The following RAPGEF2 variants were observed in gnomAD, a reference collection of about 807,000 sequenced individuals.
RAPGEF2 encodes the protein PDZ domain containing guanine nucleotide exchange factor (GEF) 1.
RAPGEF2 carries 54 observed loss-of-function variants against 186.7 expected under a neutral mutation model. The observed-to-expected ratio is 0.29, with a 90% CI of 0.23 to 0.36. The LOEUF is 0.36. Among genes scored for constraint, RAPGEF2 ranks in the 10% least tolerant of loss-of-function variants. The pLI is 1.00. For missense variants in RAPGEF2, 1,532 were observed against 2,045.0 expected, an observed-to-expected ratio of 0.75 and a Z score of 4.84; for synonymous variants, 712 against 705.9, an observed-to-expected ratio of 1.01 and a Z score of -0.14.
At chr4:159,152,362 C>G (rs902864459) in intron 1 of RAPGEF2, among the ~76,000 whole-genome samples, 3 of 152,222 alleles carry the variant, frequency 2.0e-5, no homozygotes, top group East Asian at 1.9e-4. Context: ...TGTTTCTTCT[C>G]TAGTCTGTAA....
rs117246978 is a variant in RAPGEF2, at chr4:159,266,101, T to C, written c.543+22310T>C. Among the ~76,000 whole-genome samples the C allele has an allele frequency of 6.1e-3, 928 of 152,100 alleles. 6 individuals are homozygous for C. The highest frequency in any genetic ancestry group is 0.034 in the East Asian group (177 of 5,184). ...TTTTGAGATAGGAGAGACCTGCACA[T>C]TTAAAAGCTGGTGGGGAGGACTCCG... On this transcript the variant is annotated intron_variant, in intron 7 of 29. Transcript: ENST00000691494.
At position 159,193,274 on chromosome 4, in the gene RAPGEF2, G is replaced by C; in HGVS notation, c.197+18G>C. 6.9e-7 allele frequency: 1 copy of C among 1,450,848 alleles called. No individual in the cohort carries two copies. The highest frequency in any genetic ancestry group is 9.1e-7 in the Non-Finnish European group (1 of 1,096,630). The allele number at this position is 1,450,848 out of a possible 1,614,324, so 89.9% of individuals were successfully genotyped here. A position where few individuals can be genotyped will look rare whatever the true frequency, so the allele number is the denominator to read the frequency against. On this transcript the variant is annotated intron_variant, in intron 3 of 29. Transcript: ENST00000691494. ...TTATACTAGTAGGTGTTTCCTTTTT[G>C]TTTGTACAATGTATCTAATCCAGTG... is the stretch of plus-strand genomic sequence containing the variant.
intron 3 of RAPGEF2, among the ~76,000 whole-genome samples, chr4:159,199,187 A>G (rs1410326437): frequency 6.6e-6 from 1 of 152,144 alleles, no homozygotes; most frequent in African/African-American, 2.4e-5. Context: ...GTATGTAAGT[A>G]TGAGAATTCA....
chr4:159,336,517 G>C (rs1240817163), intron 17 of RAPGEF2, among the ~76,000 whole-genome samples: 4 of 152,140 alleles, frequency 2.6e-5, no homozygotes, highest in African/African-American at 7.2e-5. Flanking sequence ...TTTTATGGCT[G>C]AGTAATATTC....
intron 8 of RAPGEF2, among the ~76,000 whole-genome samples, chr4:159,311,163 T>C (rs1317266007): frequency 1.3e-5 from 2 of 152,316 alleles, no homozygotes; most frequent in Middle Eastern, 3.4e-3. Context: ...GGGTTAGTAA[T>C]ACTAACTTGC....
At chr4:159,186,747 G>A in intron 2 of RAPGEF2, 35 bp downstream of exon 2, 1 of 1,219,792 alleles carries the variant, frequency 8.2e-7, no homozygotes, top group Non-Finnish European at 1.1e-6. Context: ...ATCATAGAAT[G>A]GTAAAAATTT....
chr4:159,319,955 G>A (rs1765043322), intron 9 of RAPGEF2, among the ~76,000 whole-genome samples: 1 of 152,040 alleles, frequency 6.6e-6, no homozygotes, highest in African/African-American at 2.4e-5. Flanking sequence ...CATGTATGTG[G>A]TAATTATTTG....
In RAPGEF2 at chr4:159,330,009, A is replaced by G; in HGVS notation, c.1301A>G (p.Lys434Arg). The change falls in exon 12 of 30, where the codon AAG becomes AGG. Residue 434 changes from lysine (K) to arginine (R), a missense_variant and splice_region_variant. By Grantham distance (26) the Lys-to-Arg change is conservative (BLOSUM62 2). Coordinates refer to ENST00000691494, the MANE Select transcript of RAPGEF2 (RefSeq NM_001394067.2). The part of the protein sequence containing the change: ...TGTRKGHIVI[K>R]GTSERLTMHL... ...ACAAGAAAGGGACACATTGTCATCA[A>G]GGTAGGACACAGGACCACTCCTTCC... is the stretch of plus-strand genomic sequence containing the variant. 1 of 1,611,454 alleles carries G rather than the reference A, an allele frequency of 6.2e-7. No individual in the cohort carries two copies. Among genetic ancestry groups the G allele is most frequent in the Non-Finnish European group, 8.5e-7 (1 of 1,178,808 alleles).
chr4:159,356,212 C>G lies in RAPGEF2; in HGVS notation c.4957+54C>G. 4 of 1,523,768 alleles carry G rather than the reference C, an allele frequency of 2.6e-6. No homozygotes were observed. In the South Asian group the frequency reaches 4.9e-5, roughly 19 times the overall value. 94.4% of individuals were successfully genotyped at this position (1,523,768 alleles called of 1,614,324 possible). A position where few individuals can be genotyped will look rare whatever the true frequency, so the allele number is the denominator to read the frequency against. ...TCCAAGTTAGATGTGTTCACTTGTGCTGCTTCCCAAGGCATTTCTGTTCTC... is the reference window on the plus strand; with the variant it reads ...TCCAAGTTAGATGTGTTCACTTGTGGTGCTTCCCAAGGCATTTCTGTTCTC... On this transcript the variant is annotated intron_variant, in intron 29 of 29. Transcript: ENST00000691494.
rs370082784 is a variant in RAPGEF2, at chr4:159,309,921, G to A, written c.676-4670G>A. ...GTCTTTGGGGTTGGGGAATCATTTT[G>A]TATTCTTATTTTGTATCATAATTAA... On this transcript the variant is annotated intron_variant, in intron 8 of 29. Transcript: ENST00000691494. Among the ~76,000 whole-genome samples, 3 of 152,004 alleles carry A rather than the reference G, an allele frequency of 2.0e-5. No individual in the cohort carries two copies. In the East Asian group the frequency reaches 5.8e-4, roughly 29 times the overall value.
At chr4:159,222,297 G>C (rs1258055713) in intron 4 of RAPGEF2, among the ~76,000 whole-genome samples, 1 of 152,170 alleles carries the variant, frequency 6.6e-6, no homozygotes, top group Non-Finnish European at 1.5e-5. Context: ...ACTGGGATTG[G>C]TAGTGTCTTA....
intron 1 of RAPGEF2, among the ~76,000 whole-genome samples, chr4:159,155,099 A>C (rs376245950): frequency 5.1e-4 from 77 of 152,212 alleles, no homozygotes; most frequent in African/African-American, 1.7e-3. Flanking sequence ...ATATAGTGTA[A>C]ATCTCCCCAG....
rs151053514 is a variant in RAPGEF2 at position 159,345,696 on chromosome 4, T to TG, written c.3502+367_3502+368insG. ...CAAAGTATGGGCAACCTGAGGGGAG[T>TG]CAGGGCATAAAATTGGGTGTGCTGG... is the stretch of plus-strand genomic sequence containing the variant. On this transcript the variant is annotated intron_variant, in intron 24 of 29. Transcript: ENST00000691494. 7.3e-3 allele frequency among the ~76,000 whole-genome samples: 1,106 copies of TG among 152,022 alleles called. 11 individuals are homozygous for TG. The highest frequency in any genetic ancestry group is 0.025 in the African/African-American group (1,045 of 41,454).
chr4:159,244,689 A>G (rs1754406711), intron 7 of RAPGEF2, among the ~76,000 whole-genome samples: 1 of 151,976 alleles, frequency 6.6e-6, no homozygotes, highest in East Asian at 1.9e-4. Flanking sequence ...GGGGAAATCT[A>G]TCATTGATAT....
chr4:159,144,873 C>A (rs1316809665), intron 1 of RAPGEF2, among the ~76,000 whole-genome samples: 1 of 111,276 alleles, frequency 9.0e-6, no homozygotes, highest in African/African-American at 3.4e-5. Flanking sequence ...TTTTTTCTTT[C>A]TTCCTGTTTT....
At chr4:159,315,954 GT>G (rs1300125899) in intron 9 of RAPGEF2, among the ~76,000 whole-genome samples, 2 of 152,152 alleles carry the variant, frequency 1.3e-5, no homozygotes, top group Non-Finnish European at 2.9e-5. Flanking sequence ...TCCACAAGAG[GT>G]GGAGGAGCAG....
Position 159,353,760 on chromosome 4 carries a change from T to C in RAPGEF2, c.4365T>C (p.His1455=), listed in dbSNP as rs779692026. Residue 1455 remains histidine, a synonymous_variant, in exon 28 of 30, where the codon CAT becomes CAC. Transcript: ENST00000691494. The surrounding 1 kb of genome is among the most constrained non-coding windows in gnomAD (Gnocchi z 4.3). Reference sequence around the variant, plus strand: ...CAGGTTTATGGGCATCAAGCAGCCATATGGACCAAATTATGTTTTCTGATC... The same window carrying C: ...CAGGTTTATGGGCATCAAGCAGCCACATGGACCAAATTATGTTTTCTGATC... ...DPAGLWASSS[H]MDQIMFSDHS... 5.0e-6 allele frequency: 8 copies of C among 1,613,958 alleles called. No homozygotes were observed. The East Asian group carries it at 1.6e-4, about 31-fold the overall frequency.
intron 4 of RAPGEF2, chr4:159,228,409 G>A (rs1464628728): frequency 6.6e-6 from 1 of 152,180 alleles, no homozygotes; most frequent in Non-Finnish European, 1.5e-5. Flanking sequence ...AGTATCGAAT[G>A]TTTAGTGCTT....
chr4:159,297,644 A>G (rs567272162), intron 7 of RAPGEF2, among the ~76,000 whole-genome samples: 1 of 142,284 alleles, frequency 7.0e-6, no homozygotes, highest in South Asian at 2.1e-4. Context: ...CTTTTGGGGA[A>G]ATATATAGTA....
Sources: gnomAD v4.1 joint callset for allele counts (sites outside exome capture counted in the v4.1 genomes callset) on GRCh38, gnomAD v4.1.1 for gene constraint, Gnocchi (gnomAD v3.1) non-coding constraint, MANE v1.5 for transcripts, NCBI Gene and HGNC (gene_info 2026-07-23, HGNC 2026-07-21) for gene names.